BAHD1: variants seen among roughly 807,000 people sequenced by gnomAD.
BAHD1 encodes the protein bromo adjacent homology domain containing 1.
A neutral mutation model predicts 63.1 loss-of-function variants in BAHD1; 20 were observed. The ratio of observed to expected loss-of-function variants is 0.32; its 90% confidence interval spans 0.22 to 0.46. The LOEUF (loss-of-function observed/expected upper bound fraction) is 0.46. Among genes scored for constraint, BAHD1 ranks in the 20% least tolerant of loss-of-function variants. The pLI is 1.00. For missense variants in BAHD1, 939 were observed against 1,071.8 expected (o/e 0.88, Z 1.73); for synonymous variants, 408 against 426.8 (o/e 0.96, Z 0.54).
chr15:40,447,596 AAATAAATAAATAAAT>A lies in BAHD1; in HGVS notation c.-15+6331_-15+6345del, dbSNP rs1254856658. On this transcript the variant is annotated intron_variant, in intron 1 of 6. Transcript: ENST00000416165. ...TAAATAAATAAATAAATAAATAAAT[AAATAAATAAATAAAT>A]AAAAATAAAAATGATTGAATAACTG... Among the ~76,000 whole-genome samples, 66 of 144,084 alleles carry A rather than the reference AAATAAATAAATAAAT, an allele frequency of 4.6e-4. 2 individuals carry two copies. The East Asian group carries it at 0.013, about 29-fold the overall frequency. 94.5% of individuals were successfully genotyped at this position (144,084 alleles called of 152,430 possible). A position where few individuals can be genotyped will look rare whatever the true frequency, so the allele number is the denominator to read the frequency against.
At chr15:40,455,423 T>C (rs1893820218) in intron 1 of BAHD1, among the ~76,000 whole-genome samples, 2 of 152,194 alleles carry the variant, frequency 1.3e-5, no homozygotes, top group South Asian at 4.1e-4. Flanking sequence ...GGAAGCTGTG[T>C]AGTCAAGGCA....
intron 1 of BAHD1, chr15:40,443,396 G>C (rs984200493): frequency 8.5e-6 from 7 of 822,472 alleles, no homozygotes; most frequent in Non-Finnish European, 1.0e-5. Flanking sequence ...AAAATCCAGA[G>C]AGTGATGATG....
At chr15:40,439,102 C>G (rs1259675679), upstream of BAHD1, among the ~76,000 whole-genome samples, 1 of 152,156 alleles carries the variant, frequency 6.6e-6, no homozygotes, top group Non-Finnish European at 1.5e-5. Flanking sequence ...TCTGTCCTGT[C>G]CAGGAAGGGG....
chr15:40,440,918 G>T (rs1321908978), upstream of BAHD1, among the ~76,000 whole-genome samples: 2 of 152,132 alleles, frequency 1.3e-5, no homozygotes, highest in Non-Finnish European at 2.9e-5. Context: ...GGACGAGGAA[G>T]CAGGAAGGAG....
chr15:40,447,155 G>T (rs1893562254), intron 1 of BAHD1, among the ~76,000 whole-genome samples: 2 of 152,210 alleles, frequency 1.3e-5, no homozygotes, highest in African/African-American at 4.8e-5. Flanking sequence ...AGAAGGAGGG[G>T]TGAAGTCACG....
At chr15:40,450,569 G>A (rs891810581) in intron 1 of BAHD1, among the ~76,000 whole-genome samples, 1 of 152,222 alleles carries the variant, frequency 6.6e-6, no homozygotes, top group African/African-American at 2.4e-5. Flanking sequence ...CCCTGGTTCT[G>A]CTGAGGCCTG....
intron 1 of BAHD1, among the ~76,000 whole-genome samples, chr15:40,442,960 C>T (rs75855252): frequency 0.01 from 1,557 of 152,306 alleles, 14 homozygotes; most frequent in Non-Finnish European, 0.017. Context: ...TGAGTGCCTC[C>T]ATCTCCCCCG....
rs563191486 is a variant in BAHD1 at position 40,462,209 on chromosome 15, G to A, written c.1730G>A (p.Arg577His). 30 of 1,611,856 alleles carry A rather than the reference G, an allele frequency of 1.9e-5. No individual in the cohort carries two copies. Among genetic ancestry groups the A allele is most frequent in the African/African-American group, 2.7e-5 (2 of 75,020 alleles). Reference sequence around the variant, plus strand: ...CACCCCAAGCAGCCACGTGTCCAGCGCCCACGCCCTCGCCGCCGCCGTCGC... The same window carrying A: ...CACCCCAAGCAGCCACGTGTCCAGCACCCACGCCCTCGCCGCCGCCGTCGC... ...PSHPKQPRVQRPRPRRRRRRR... is the reference protein window; with the variant it reads ...PSHPKQPRVQHPRPRRRRRRR... The change falls in exon 3 of 7, where the codon CGC becomes CAC. Residue 577 changes from arginine (R) to histidine (H), a missense_variant. By Grantham distance (29) the Arg-to-His change is conservative (BLOSUM62 0). This residue lies in a region of BAHD1 where 797 missense variants were observed against 813.3 expected (regional missense o/e 0.98). Transcript: ENST00000416165.
intron 1 of BAHD1, among the ~76,000 whole-genome samples, chr15:40,456,046 C>T (rs540399133): frequency 1.3e-5 from 2 of 152,370 alleles, no homozygotes; most frequent in African/African-American, 2.4e-5. Flanking sequence ...GATCTTGGCT[C>T]ACTGCAACCT....
Position 40,464,699 on chromosome 15 carries a change from G to A in BAHD1, c.2052+152G>A, listed in dbSNP as rs938219449. The A allele has an allele frequency of 1.6e-5, 10 of 633,414 alleles. No homozygotes were observed. In the African/African-American group the frequency reaches 1.6e-4, roughly 10 times the overall value. 39.2% of individuals were successfully genotyped at this position (633,414 alleles called of 1,614,324 possible). ...TCCAGAGAACCTGGGAAAGGGCCCA[G>A]GATTTATTCTCTTTTCCCAACACTG... On this transcript the variant is annotated intron_variant, in intron 5 of 6. Transcript: ENST00000416165.
rs1405316088 is a variant in BAHD1, at chr15:40,458,341, T to C, written c.-14-110T>C. The C allele has an allele frequency of 5.7e-6, 8 of 1,405,830 alleles. No homozygotes were observed. The highest frequency in any genetic ancestry group is 7.6e-6 in the Non-Finnish European group (8 of 1,052,844). 87.1% of individuals were successfully genotyped at this position (1,405,830 alleles called of 1,614,324 possible). A position where few individuals can be genotyped will look rare whatever the true frequency, so the allele number is the denominator to read the frequency against. On this transcript the variant is annotated intron_variant, in intron 1 of 6. Coordinates refer to ENST00000416165, the MANE Select transcript of BAHD1 (RefSeq NM_014952.5). The surrounding 1 kb of genome is among the most constrained non-coding windows in gnomAD (Gnocchi z 4.7). Reference sequence around the variant, plus strand: ...AAAATCCATACTGGAGACAGGGTAGTTGTAGGCCAGGATCACTGCACCTGG... The same window carrying C: ...AAAATCCATACTGGAGACAGGGTAGCTGTAGGCCAGGATCACTGCACCTGG...
chr15:40,464,581 G>T, intron 5 of BAHD1, 34 bp downstream of exon 5: 1 of 1,578,234 alleles, frequency 6.3e-7, no homozygotes, highest in African/African-American at 1.3e-5. Context: ...AGGGAGGGCA[G>T]GAGAGACAGA....
upstream of BAHD1, among the ~76,000 whole-genome samples, chr15:40,439,137 T>A (rs1168870960): frequency 6.6e-6 from 1 of 152,206 alleles, no homozygotes. Context: ...GTCCTACTTT[T>A]ACAGCTTTGG....
intron 1 of BAHD1, among the ~76,000 whole-genome samples, chr15:40,449,814 CAAAAAA>C (rs1053414532): frequency 1.8e-5 from 1 of 55,148 alleles, no homozygotes; most frequent in Non-Finnish European, 3.9e-5. Flanking sequence ...GACCCTGTCT[CAAAAAA>C]AAAAAAAAAA....
At chr15:40,449,864 T>A (rs1893654504) in intron 1 of BAHD1, among the ~76,000 whole-genome samples, 1 of 147,234 alleles carries the variant, frequency 6.8e-6, no homozygotes, top group Non-Finnish European at 1.5e-5. Flanking sequence ...TGAAGGAGGG[T>A]TGTGCCATGA....
chr15:40,458,921 C>T lies in BAHD1; in HGVS notation c.457C>T (p.Arg153Cys), dbSNP rs369397772. The T allele has an allele frequency of 2.8e-5, 44 of 1,596,792 alleles. No individual in the cohort carries two copies. The highest frequency in any genetic ancestry group is 1.9e-4 in the Admixed American group (11 of 58,578). The change falls in exon 2 of 7, where the codon CGC (arginine) becomes TGC (cysteine). Residue 153 changes from arginine (R) to cysteine (C), a missense_variant. Arg to Cys is a radical substitution (Grantham distance 180, BLOSUM62 -3). This residue lies in a region of BAHD1 where 797 missense variants were observed against 813.3 expected (regional missense o/e 0.98). Transcript: ENST00000416165. This position sits in a 1 kb window ranked among gnomAD's most constrained non-coding sequence, Gnocchi z 4.7. The part of the protein sequence containing the change: ...TRRSRAGDPH[R>C]SRDRDRATGG... ...CCGCAGTCGAGCAGGGGATCCCCAC[C>T]GCAGCCGTGACCGTGATCGTGCTAC...
chr15:40,451,377 C>A (rs377021565), intron 1 of BAHD1, among the ~76,000 whole-genome samples: 5 of 152,336 alleles, frequency 3.3e-5, no homozygotes, highest in African/African-American at 1.2e-4. Context: ...TCTGAGCAGT[C>A]CATTATAGCC....
intron 1 of BAHD1, among the ~76,000 whole-genome samples, chr15:40,441,692 C>T (rs1040730914): frequency 6.8e-6 from 1 of 147,770 alleles, no homozygotes; most frequent in East Asian, 2.0e-4. Flanking sequence ...AGCCGGCTCG[C>T]CTCCGAGTGC....
At chr15:40,438,335 G>C (rs1476554459), upstream of BAHD1, among the ~76,000 whole-genome samples, 2 of 152,196 alleles carry the variant, frequency 1.3e-5, no homozygotes, top group East Asian at 1.9e-4. Flanking sequence ...GTTCCCTTTG[G>C]GGGACAGGCA....
Sources: gnomAD v4.1 joint callset for allele counts (sites outside exome capture counted in the v4.1 genomes callset) on GRCh38, gnomAD v4.1.1 for gene constraint, gnomAD v4.1.1 regional missense constraint, Gnocchi (gnomAD v3.1) non-coding constraint, MANE v1.5 for transcripts, NCBI Gene and HGNC (gene_info 2026-07-23, HGNC 2026-07-21) for gene names.